Variants in SGCD observed in about 807,000 individuals in gnomAD.
The protein encoded by SGCD is delta-sarcoglycan.
Under a neutral mutation model 36.6 loss-of-function variants are expected in SGCD, and 18 were observed. The observed-to-expected ratio is 0.49, with a 90% confidence interval of 0.34 to 0.73. The LOEUF (loss-of-function observed/expected upper bound fraction) is 0.73, where lower values mean the gene tolerates loss of function less well. SGCD is among the 30% of genes least tolerant of loss of function. The pLI is 0.01. For synonymous variants in SGCD, 133 were observed against 130.6 expected, an observed-to-expected ratio of 1.02 and a Z score of -0.12; for missense variants, 387 against 346.7, an observed-to-expected ratio of 1.12 and a Z score of -0.92.
intron 7 of SGCD, among the ~76,000 whole-genome samples, chr5:156,649,709 TGTGGG>T (rs1763382949): frequency 9.6e-6 from 1 of 103,944 alleles, no homozygotes; most frequent in African/African-American, 3.8e-5. Flanking sequence ...GGGGGCCTGT[TGTGGG>T]GTGGGGGGAG....
At chr5:155,811,727 G>C in the SGCD span, among the ~76,000 whole-genome samples, 2 of 152,234 alleles carry the variant, frequency 1.3e-5, no homozygotes, top group South Asian at 2.1e-4. Context: ...AGCTGGGTCC[G>C]GGGGGTCACC....
chr5:155,823,117 G>C, the SGCD span, among the ~76,000 whole-genome samples: 1 of 112,434 alleles, frequency 8.9e-6, no homozygotes, highest in South Asian at 2.8e-4. Context: ...TATCTATCTG[G>C]CTAGCTATCT....
At chr5:155,811,655 C>T in the SGCD span, among the ~76,000 whole-genome samples, 144 of 149,582 alleles carry the variant, frequency 9.6e-4, no homozygotes, top group African/African-American at 3.5e-3. Context: ...CAACGGGGCT[C>T]TCTCTTTGTT....
At chr5:156,020,656 G>A (rs943988911) in intron 1 of SGCD, among the ~76,000 whole-genome samples, 11 of 152,112 alleles carry the variant, frequency 7.2e-5, no homozygotes, top group African/African-American at 2.7e-4. Context: ...TTATAATGGT[G>A]TCTTTACACC....
intron 1 of SGCD, among the ~76,000 whole-genome samples, chr5:156,095,726 T>C (rs1376347202): frequency 6.6e-6 from 1 of 152,194 alleles, no homozygotes; most frequent in Non-Finnish European, 1.5e-5. Context: ...TGTTCCCTAC[T>C]CACACGGTCG....
intron 1 of SGCD, among the ~76,000 whole-genome samples, chr5:156,002,286 C>T (rs1758679946): frequency 2.0e-5 from 3 of 152,120 alleles, no homozygotes; most frequent in Admixed American, 1.3e-4. Flanking sequence ...GAGACGACAC[C>T]CTCTGCAAGC....
chr5:156,721,939 G>A (rs1457670390), intron 7 of SGCD, among the ~76,000 whole-genome samples: 2 of 152,132 alleles, frequency 1.3e-5, no homozygotes, highest in African/African-American at 4.8e-5. Flanking sequence ...TTTGATTCCA[G>A]TGTCTCCCAA....
chr5:156,546,566 T>C (rs531595117), intron 4 of SGCD, among the ~76,000 whole-genome samples: 1 of 152,254 alleles, frequency 6.6e-6, no homozygotes, highest in South Asian at 2.1e-4. Context: ...ACTTTCAGAT[T>C]ATTTTATCTC....
intron 3 of SGCD, among the ~76,000 whole-genome samples, chr5:156,376,535 C>A (rs2127744079): frequency 1.3e-5 from 2 of 152,296 alleles, no homozygotes; most frequent in Non-Finnish European, 2.9e-5. Flanking sequence ...CATATGTTAT[C>A]TCACATTGAC....
At chr5:156,071,179 A>G (rs1183319288) in intron 1 of SGCD, among the ~76,000 whole-genome samples, 1 of 151,942 alleles carries the variant, frequency 6.6e-6, no homozygotes, top group Non-Finnish European at 1.5e-5. Context: ...CTAGCTTTTG[A>G]ATGTGTTTGC....
At chr5:156,582,304 A>G (rs553959954) in intron 4 of SGCD, among the ~76,000 whole-genome samples, 1 of 152,170 alleles carries the variant, frequency 6.6e-6, no homozygotes, top group South Asian at 2.1e-4. Context: ...TTGTTACATG[A>G]GTGTTAATTT....
chr5:156,362,132 A>C (rs1166635220), intron 3 of SGCD, among the ~76,000 whole-genome samples: 1 of 152,178 alleles, frequency 6.6e-6, no homozygotes, highest in African/African-American at 2.4e-5. Flanking sequence ...AGGAACACAC[A>C]CCCTAAGTAG....
intron 3 of SGCD, among the ~76,000 whole-genome samples, chr5:156,366,116 G>T (rs1770091435): frequency 6.6e-6 from 1 of 152,212 alleles, no homozygotes; most frequent in Non-Finnish European, 1.5e-5. Context: ...AGACCATTCA[G>T]TCAGTGCCCC....
intron 3 of SGCD, among the ~76,000 whole-genome samples, chr5:156,499,512 G>T (rs372370362): frequency 2.6e-4 from 39 of 152,284 alleles, no homozygotes; most frequent in East Asian, 2.5e-3. Context: ...TGAGATGAAA[G>T]ATATGATATG....
At chr5:156,607,106 G>A (rs1343621222) in intron 6 of SGCD, among the ~76,000 whole-genome samples, 1 of 152,130 alleles carries the variant, frequency 6.6e-6, no homozygotes, top group East Asian at 1.9e-4. Context: ...GTGAGAGAGG[G>A]CATCCCTGTC....
chr5:156,608,965 T>C (rs1394102155), intron 6 of SGCD, among the ~76,000 whole-genome samples: 2 of 152,180 alleles, frequency 1.3e-5, no homozygotes, highest in African/African-American at 4.8e-5. Context: ...GTTTCCTGAA[T>C]ACAGCACACT....
At chr5:156,258,035 C>A (rs937189905) in intron 3 of SGCD, among the ~76,000 whole-genome samples, 1 of 151,904 alleles carries the variant, frequency 6.6e-6, no homozygotes, top group Non-Finnish European at 1.5e-5. Context: ...TGGAGTACAA[C>A]TTTTTATTGA....
At chr5:155,730,694 A>G in the SGCD span, among the ~76,000 whole-genome samples, 1 of 152,124 alleles carries the variant, frequency 6.6e-6, no homozygotes, top group African/African-American at 2.4e-5. Flanking sequence ...AAACAAAGTG[A>G]TGGACACTCC....
At chr5:156,371,390 G>C (rs1285263434) in intron 3 of SGCD, among the ~76,000 whole-genome samples, 2 of 152,140 alleles carry the variant, frequency 1.3e-5, no homozygotes. Flanking sequence ...GAAACTCTGG[G>C]AATTCCTTTC....
Sources: gnomAD v4.1 joint callset for allele counts (sites outside exome capture counted in the v4.1 genomes callset) on GRCh38, gnomAD v4.1.1 for gene constraint, MANE v1.5 for transcripts, NCBI Gene and HGNC (gene_info 2026-07-23, HGNC 2026-07-21) for gene names.